The following CALN1 variants were observed in gnomAD, a reference collection of about 807,000 sequenced individuals.
CALN1 encodes calneuron 1.
In CALN1, 17 loss-of-function variants were observed where a neutral mutation model predicts 30.6. The ratio of observed to expected loss-of-function variants is 0.56; its 90% CI spans 0.38 to 0.83. The LOEUF is 0.83. Ranked by LOEUF, CALN1 falls within the 40% of genes least tolerant of loss-of-function variation. The pLI, the probability that CALN1 is intolerant of heterozygous loss-of-function variation, is 0.00. For synonymous variants in CALN1, 156 were observed against 131.4 expected, an observed-to-expected ratio of 1.19 and a Z score of -1.28; for missense variants, 291 against 354.9, an observed-to-expected ratio of 0.82 and a Z score of 1.45.
rs56386718 is a variant in CALN1 at position 72,268,793 on chromosome 7, C to CCACACACACAAACACACACACA, written c.244+9892_244+9893insTGTGTGTGTGTTTGTGTGTGTG. ...GCCTGGGCAACAGAGCAAGACCCTG[C>CCACACACACAAACACACACACA]CACACACACACACACACACACACAC... On this transcript the variant is annotated intron_variant, in intron 3 of 6. Transcript: ENST00000395275. 2.0e-3 allele frequency among the ~76,000 whole-genome samples: 296 copies of CCACACACACAAACACACACACA among 145,928 alleles called. 3 individuals are homozygous for CCACACACACAAACACACACACA. Among genetic ancestry groups the CCACACACACAAACACACACACA allele is most frequent in the African/African-American group, 6.0e-3 (233 of 39,132 alleles).
chr7:72,176,830 C>T (rs1789391654), intron 3 of CALN1, among the ~76,000 whole-genome samples: 1 of 152,118 alleles, frequency 6.6e-6, no homozygotes, highest in East Asian at 1.9e-4. Context: ...GAGGAATTTT[C>T]CACCCTGTCT....
At chr7:72,384,705 A>C (rs1805104565) in intron 2 of CALN1, among the ~76,000 whole-genome samples, 1 of 152,136 alleles carries the variant, frequency 6.6e-6, no homozygotes, top group South Asian at 2.1e-4. Context: ...CAAAACTATA[A>C]AACTTCTAGA....
At chr7:72,246,446 A>G (rs1296892691) in intron 3 of CALN1, among the ~76,000 whole-genome samples, 1 of 152,132 alleles carries the variant, frequency 6.6e-6, no homozygotes, top group Non-Finnish European at 1.5e-5. Flanking sequence ...CTCCCTGGGA[A>G]GCCCCAGGAG....
chr7:72,499,990 C>T, the CALN1 span, among the ~76,000 whole-genome samples: 2 of 151,416 alleles, frequency 1.3e-5, no homozygotes, highest in Non-Finnish European at 2.9e-5. Context: ...TGGCTCACTA[C>T]AACCTCCGCC....
At chr7:72,353,579 T>C (rs1016399139) in intron 2 of CALN1, among the ~76,000 whole-genome samples, 11 of 152,182 alleles carry the variant, frequency 7.2e-5, no homozygotes, top group Non-Finnish European at 1.0e-4. Context: ...TTTTTCATCC[T>C]GCTAAGGGGT....
At chr7:72,435,494 G>A (rs1439604858) in intron 1 of CALN1, among the ~76,000 whole-genome samples, 1 of 152,198 alleles carries the variant, frequency 6.6e-6, no homozygotes, top group Non-Finnish European at 1.5e-5. Flanking sequence ...GCCTGCGGGG[G>A]CCTCCTGGAA....
intron 5 of CALN1, among the ~76,000 whole-genome samples, chr7:71,936,960 T>C (rs568949808): frequency 1.7e-3 from 253 of 152,164 alleles, no homozygotes; most frequent in Middle Eastern, 0.01. Flanking sequence ...GTGCCTTTCA[T>C]CTCCAGCCAT....
intron 2 of CALN1, among the ~76,000 whole-genome samples, chr7:72,345,258 G>C (rs1350449648): frequency 6.7e-6 from 1 of 149,068 alleles, no homozygotes; most frequent in East Asian, 1.9e-4. Flanking sequence ...CCCCTTAAAG[G>C]CATTCATTCA....
rs143444896 is a variant in CALN1 at position 72,030,580 on chromosome 7, C to T, written c.389-6811G>A. 3.9e-5 allele frequency among the ~76,000 whole-genome samples: 6 copies of T among 152,148 alleles called. No homozygotes were observed. The East Asian group carries it at 9.7e-4, about 24-fold the overall frequency. On this transcript the variant is annotated intron_variant, in intron 4 of 6. Coordinates refer to ENST00000395275, the MANE Select transcript of CALN1 (RefSeq NM_031468.4). ...CCCCACACCCTCAACCTTAGGGGAACGGAAACAAATAGAATCTCAGAGGTA... is the reference window on the plus strand; with the variant it reads ...CCCCACACCCTCAACCTTAGGGGAATGGAAACAAATAGAATCTCAGAGGTA...
Position 71,786,741 on chromosome 7 carries a change from A to C in CALN1, c.*1034T>G, listed in dbSNP as rs1007078424. On this transcript the variant is annotated 3_prime_UTR_variant, in exon 7 of 7. Coordinates refer to ENST00000395275, the MANE Select transcript of CALN1 (RefSeq NM_031468.4). ...AAAGGTAAGATGCACAAGGACCTTA[A>C]CTTACAAAGGTCATCCGGCATAGAG... 6.6e-6 allele frequency: 1 copy of C among 152,152 alleles called. No individual in the cohort carries two copies. Among genetic ancestry groups the C allele is most frequent in the Non-Finnish European group, 1.5e-5 (1 of 68,030 alleles). 9.4% of individuals were successfully genotyped at this position (152,152 alleles called of 1,614,324 possible).
chr7:72,318,305 C>T (rs12539327), intron 2 of CALN1, among the ~76,000 whole-genome samples: 41,093 of 132,406 alleles, frequency 0.31, 6,659 homozygotes, highest in Non-Finnish European at 0.46. Context: ...GCTCATTTGA[C>T]GCACTTTCAT....
intron 5 of CALN1, among the ~76,000 whole-genome samples, chr7:71,841,929 T>C (rs1320772913): frequency 2.6e-5 from 4 of 151,162 alleles, no homozygotes; most frequent in Middle Eastern, 3.2e-3. Flanking sequence ...ATGGGTTCAA[T>C]AGATACCCAA....
At chr7:72,141,220 C>A (rs570469330) in intron 3 of CALN1, among the ~76,000 whole-genome samples, 3 of 152,124 alleles carry the variant, frequency 2.0e-5, no homozygotes, top group African/African-American at 7.2e-5. Flanking sequence ...ATCACTTGAG[C>A]CCAGGAGGTT....
intron 5 of CALN1, among the ~76,000 whole-genome samples, chr7:71,992,865 G>A (rs117921881): frequency 6.6e-5 from 10 of 152,238 alleles, no homozygotes; most frequent in East Asian, 3.9e-4. Flanking sequence ...AGCCAATCAC[G>A]ATCACTGGCC....
intron 3 of CALN1, among the ~76,000 whole-genome samples, chr7:72,160,024 G>A (rs1390047871): frequency 6.6e-6 from 1 of 152,136 alleles, no homozygotes; most frequent in African/African-American, 2.4e-5. Context: ...GAAGGCAGGT[G>A]AGAACAGACA....
chr7:71,971,065 GA>G (rs1275966946), intron 5 of CALN1, among the ~76,000 whole-genome samples: 3 of 152,200 alleles, frequency 2.0e-5, no homozygotes, highest in Non-Finnish European at 4.4e-5. Context: ...ATATGACTGA[GA>G]ATTACAGGCA....
chr7:72,100,962 GTTTGT>G (rs1296934507), intron 4 of CALN1, among the ~76,000 whole-genome samples: 1 of 151,512 alleles, frequency 6.6e-6, no homozygotes, highest in African/African-American at 2.4e-5. Context: ...TAGGATTTTT[GTTTGT>G]TTTGTTTGTT....
chr7:72,464,134 G>GAGAA, the CALN1 span, among the ~76,000 whole-genome samples: 2 of 152,010 alleles, frequency 1.3e-5, no homozygotes, highest in Non-Finnish European at 2.9e-5. Flanking sequence ...GGGAGAGAGA[G>GAGAA]AGAAAGAAAG....
chr7:71,906,016 G>A (rs1166973246), intron 5 of CALN1, among the ~76,000 whole-genome samples: 4 of 152,156 alleles, frequency 2.6e-5, no homozygotes, highest in Non-Finnish European at 5.9e-5. Flanking sequence ...AATCTCATGA[G>A]AATGAACTCA....
Sources: allele counts gnomAD v4.1 joint callset (sites outside exome capture counted in the v4.1 genomes callset), GRCh38; gene constraint gnomAD v4.1.1; transcripts MANE v1.5; gene names NCBI Gene and HGNC (gene_info 2026-07-23, HGNC 2026-07-21).